ZFP14: variants seen among roughly 807,000 people sequenced by gnomAD.
The protein encoded by ZFP14 is zinc finger protein 14 homolog.
ZFP14 carries 22 observed loss-of-function variants against 54.5 expected under a neutral mutation model. The ratio of observed to expected loss-of-function variants is 0.40; its 90% CI spans 0.29 to 0.58. The LOEUF is 0.58. ZFP14 is among the 20% of genes least tolerant of loss of function. ZFP14 has a pLI of 0.39. For missense variants in ZFP14, 470 were observed against 637.8 expected, an observed-to-expected ratio of 0.74 and a Z score of 2.83; for synonymous variants, 159 against 204.0, an observed-to-expected ratio of 0.78 and a Z score of 1.88.
intron 1 of ZFP14, among the ~76,000 whole-genome samples, chr19:36,370,437 C>G (rs1385783374): frequency 1.3e-5 from 2 of 152,242 alleles, no homozygotes; most frequent in African/African-American, 4.8e-5. Flanking sequence ...ATCATGCAGC[C>G]CAGGCTTCAG....
chr19:36,358,407 G>A (rs779790000), intron 4 of ZFP14, among the ~76,000 whole-genome samples: 26 of 152,136 alleles, frequency 1.7e-4, no homozygotes, highest in Non-Finnish European at 2.9e-4. Flanking sequence ...CACTGCACCC[G>A]GCCTGATTTT....
At chr19:36,349,717 T>C (rs984971399) in intron 4 of ZFP14, among the ~76,000 whole-genome samples, 2 of 147,190 alleles carry the variant, frequency 1.4e-5, no homozygotes, top group African/African-American at 2.5e-5. Flanking sequence ...ATATATACTA[T>C]GTATATTATC....
chr19:36,345,997 A>G (rs2031406240), intron 4 of ZFP14, among the ~76,000 whole-genome samples: 1 of 152,190 alleles, frequency 6.6e-6, no homozygotes, highest in South Asian at 2.1e-4. Flanking sequence ...AAAGACATAT[A>G]AAAAATCCAG....
At chr19:36,375,799 T>C (rs930137766) in intron 1 of ZFP14, among the ~76,000 whole-genome samples, 1 of 151,892 alleles carries the variant, frequency 6.6e-6, no homozygotes, top group East Asian at 1.9e-4. Context: ...CCTCGTGATC[T>C]GCCCGCCTCG....
At chr19:36,350,454 C>T (rs1222248213) in intron 4 of ZFP14, among the ~76,000 whole-genome samples, 1 of 139,276 alleles carries the variant, frequency 7.2e-6, no homozygotes, top group Non-Finnish European at 1.6e-5. Context: ...TACAAAAGTT[C>T]ACTGGGTGTG....
intron 1 of ZFP14, among the ~76,000 whole-genome samples, chr19:36,369,691 G>A (rs1004574977): frequency 5.3e-5 from 8 of 152,054 alleles, no homozygotes; most frequent in African/African-American, 1.7e-4. Context: ...GATTACAGGC[G>A]TGAGCCACCA....
At position 36,341,314 on chromosome 19, in the gene ZFP14, AC is replaced by A; in HGVS notation, c.511del (p.Val171CysfsTer21). On this transcript the variant is annotated frameshift_variant, in exon 5 of 5. Coordinates refer to ENST00000270001, the MANE Select transcript of ZFP14 (RefSeq NM_020917.3). LOFTEE classifies it high-confidence loss of function. This position sits in a 1 kb window ranked among gnomAD's most constrained non-coding sequence, Gnocchi z 4.2. ...CTTCCTACACTCCTTACACTCATAC[AC>A]CTTTTCTCCATTATGAACGATCTGA... ...EYQIVHNGEK[V>X]YECKECRKTF... The A allele has an allele frequency of 6.2e-7, 1 of 1,614,104 alleles. No individual in the cohort carries two copies. Among genetic ancestry groups the A allele is most frequent in the Non-Finnish European group, 8.5e-7 (1 of 1,180,036 alleles).
intron 1 of ZFP14, among the ~76,000 whole-genome samples, chr19:36,373,295 A>C (rs2031908458): frequency 6.6e-6 from 1 of 151,856 alleles, no homozygotes; most frequent in Admixed American, 6.6e-5. Context: ...AAAAACAAAA[A>C]AACAACCAAA....
chr19:36,369,924 T>C (rs2031854785), intron 1 of ZFP14, among the ~76,000 whole-genome samples: 1 of 152,108 alleles, frequency 6.6e-6, no homozygotes, highest in Non-Finnish European at 1.5e-5. Flanking sequence ...AGCCTCGACC[T>C]CCCGGGCTCA....
chr19:36,340,215 T>C lies in ZFP14; in HGVS notation c.*9A>G. ...TGTAACATCATATACATTTGAAGGC[T>C]TTCTTCTATTAAATTCCATTATGAA... On this transcript the variant is annotated 3_prime_UTR_variant, in exon 5 of 5. Transcript: ENST00000270001. This position sits in a 1 kb window ranked among gnomAD's most constrained non-coding sequence, Gnocchi z 5.4. 1 of 1,548,878 alleles carries C rather than the reference T, an allele frequency of 6.5e-7. No individual in the cohort carries two copies. The highest frequency in any genetic ancestry group is 8.7e-7 in the Non-Finnish European group (1 of 1,149,930).
At position 36,341,655 on chromosome 19, in the gene ZFP14, C is replaced by A. The variant is rs371055249; in HGVS notation, c.236-65G>T. 1.2e-5 allele frequency: 18 copies of A among 1,445,052 alleles called. No individual in the cohort carries two copies. Among genetic ancestry groups the A allele is most frequent in the African/African-American group, 1.1e-4 (8 of 70,178 alleles). The allele number at this position is 1,445,052 out of a possible 1,614,324, so 89.5% of individuals were successfully genotyped here. A position where few individuals can be genotyped will look rare whatever the true frequency, so the allele number is the denominator to read the frequency against. ...GTTCCAGAAAGAAAAAACAAACAAA[C>A]AAAAAAACCACTTCTATAGAGAAAA... On this transcript the variant is annotated intron_variant, in intron 4 of 4. Transcript: ENST00000270001. The surrounding 1 kb of genome is among the most constrained non-coding windows in gnomAD (Gnocchi z 4.2).
chr19:36,344,811 C>T (rs965155181), intron 4 of ZFP14, among the ~76,000 whole-genome samples: 10 of 152,184 alleles, frequency 6.6e-5, no homozygotes, highest in Admixed American at 2.6e-4. Context: ...CCCAAAACCA[C>T]GTACCATTTT....
In ZFP14 at chr19:36,341,215, T is replaced by G. The variant is rs759827498; in HGVS notation, c.611A>C (p.Glu204Ala). 7 of 1,614,066 alleles carry G rather than the reference T, an allele frequency of 4.3e-6. No homozygotes were observed. The Admixed American group carries it at 1.2e-4, about 27-fold the overall frequency. Reference protein sequence around the residue: ...HTGEKPYKCKECGQAFRQRAH... With the variant: ...HTGEKPYKCKACGQAFRQRAH... The stretch of plus-strand genomic sequence containing the variant: ...ACGCTGTCTAAAGGCCTGCCCACAT[T>G]CCTTACACTTATAAGGTTTCTCACC... Residue 204 changes from glutamate to alanine, a missense_variant, in exon 5 of 5, where the codon GAA becomes GCA. Glu to Ala is a moderately radical substitution (Grantham distance 107). Transcript: ENST00000270001. This position sits in a 1 kb window ranked among gnomAD's most constrained non-coding sequence, Gnocchi z 4.2.
chr19:36,355,174 T>C (rs2031593436), intron 4 of ZFP14, among the ~76,000 whole-genome samples: 1 of 143,542 alleles, frequency 7.0e-6, no homozygotes, highest in African/African-American at 2.6e-5. Flanking sequence ...TAAAGGAATA[T>C]ATTTCTAGCC....
At chr19:36,358,117 AT>A (rs1338411588) in intron 4 of ZFP14, among the ~76,000 whole-genome samples, 12 of 138,846 alleles carry the variant, frequency 8.6e-5, no homozygotes, top group African/African-American at 3.2e-4. Context: ...CTATCTATCT[AT>A]TTTATTTTTT....
At chr19:36,372,050 G>A (rs1487731006) in intron 1 of ZFP14, among the ~76,000 whole-genome samples, 4 of 69,164 alleles carry the variant, frequency 5.8e-5, no homozygotes, top group African/African-American at 2.1e-4. Flanking sequence ...AAAAAGAGAG[G>A]AAAGAAAGAA....
intron 1 of ZFP14, among the ~76,000 whole-genome samples, chr19:36,370,784 G>A (rs2031866652): frequency 6.6e-6 from 1 of 152,240 alleles, no homozygotes; most frequent in Non-Finnish European, 1.5e-5. Flanking sequence ...CTATTGATGG[G>A]CTTTCCCAGA....
chr19:36,339,832 T>C lies in ZFP14; in HGVS notation c.*392A>G, dbSNP rs960165009. The C allele has an allele frequency of 6.6e-6, 1 of 151,884 alleles. No homozygotes were observed. Among genetic ancestry groups the C allele is most frequent in the African/African-American group, 2.5e-5 (1 of 39,264 alleles). The allele number at this position is 151,884 out of a possible 1,614,324, so 9.4% of individuals were successfully genotyped here. On this transcript the variant is annotated 3_prime_UTR_variant, in exon 5 of 5. Coordinates refer to ENST00000270001, the MANE Select transcript of ZFP14 (RefSeq NM_020917.3). ...TGATCCAAATTATAAGATATAATTA[T>C]ATGTTATTTTATGCTACTAAGTCTG...
chr19:36,371,773 T>C (rs1029427926), intron 1 of ZFP14, among the ~76,000 whole-genome samples: 1 of 151,838 alleles, frequency 6.6e-6, no homozygotes, highest in Admixed American at 6.6e-5. Context: ...CTGGGCAACA[T>C]AGCGAGACTC....
Sources: gnomAD v4.1 joint callset for allele counts (sites outside exome capture counted in the v4.1 genomes callset) on GRCh38, gnomAD v4.1.1 for gene constraint, Gnocchi (gnomAD v3.1) non-coding constraint, MANE v1.5 for transcripts, NCBI Gene and HGNC (gene_info 2026-07-23, HGNC 2026-07-21) for gene names.